The following DNAJC16 variants were observed in gnomAD, a reference collection of about 807,000 sequenced individuals.
DNAJC16 encodes DnaJ heat shock protein family (Hsp40) member C16.
A neutral mutation model predicts 92.7 loss-of-function variants in DNAJC16; 76 were observed. The ratio of observed to expected loss-of-function variants is 0.82; its 90% CI spans 0.68 to 0.99. DNAJC16 has a LOEUF of 0.99. Among genes scored for constraint, DNAJC16 ranks in the 50% least tolerant of loss-of-function variants. DNAJC16 has a pLI of 0.00. For missense variants in DNAJC16, 869 were observed against 942.4 expected, an observed-to-expected ratio of 0.92 and a Z score of 1.02; for synonymous variants, 328 against 358.7, an observed-to-expected ratio of 0.91 and a Z score of 0.97.
At chr1:15,527,820 C>T (rs1489205578) in intron 1 of DNAJC16, among the ~76,000 whole-genome samples, 2 of 152,130 alleles carry the variant, frequency 1.3e-5, no homozygotes, top group East Asian at 1.9e-4. Context: ...TAAGGTGTCA[C>T]AGAAGACACT....
chr1:15,533,518 C>G (rs1292240458), intron 2 of DNAJC16, among the ~76,000 whole-genome samples: 1 of 152,102 alleles, frequency 6.6e-6, no homozygotes, highest in Non-Finnish European at 1.5e-5. Context: ...ATCCCAGCTA[C>G]TCGGGAGGCT....
chr1:15,561,140 T>G (rs774047859), intron 8 of DNAJC16, among the ~76,000 whole-genome samples: 62 of 152,052 alleles, frequency 4.1e-4, no homozygotes, highest in Non-Finnish European at 5.9e-4. Context: ...TAGCACTTGT[T>G]GATACCTGTC....
In DNAJC16 at chr1:15,567,854, C is replaced by G; in HGVS notation, c.2026C>G (p.Gln676Glu). ...GCTAGAATACTTACTAGAATTTGCT[C>G]AAGATGCAGCTCCAATCCCAAACCA... is the stretch of plus-strand genomic sequence containing the variant. ...EWLEYLLEFA[Q>E]DAAPIPNQYD... The change falls in exon 15 of 15, where the codon CAA becomes GAA. Residue 676 changes from glutamine (Q) to glutamate (E), a missense_variant. Transcript: ENST00000375847. The G allele has an allele frequency of 6.2e-7, 1 of 1,614,218 alleles. No individual in the cohort carries two copies. The highest frequency in any genetic ancestry group is 8.5e-7 in the Non-Finnish European group (1 of 1,180,042).
In DNAJC16 at chr1:15,547,511, A is replaced by C. The variant is rs1638339605; in HGVS notation, c.864+640A>C. On this transcript the variant is annotated intron_variant, in intron 6 of 14. Coordinates refer to ENST00000375847, the MANE Select transcript of DNAJC16 (RefSeq NM_015291.4). ...ATGCTGGAGTGCAGTGGTGTGATCT[A>C]GACTCACTGCAACCTCCGCCTACCG... 2.0e-5 allele frequency among the ~76,000 whole-genome samples: 3 copies of C among 148,540 alleles called. No individual in the cohort carries two copies. In the Admixed American group the frequency reaches 2.0e-4, roughly 10 times the overall value.
At chr1:15,542,667 T>C (rs1187916295) in intron 4 of DNAJC16, among the ~76,000 whole-genome samples, 1 of 152,224 alleles carries the variant, frequency 6.6e-6, no homozygotes, top group African/African-American at 2.4e-5. Flanking sequence ...GGAGCAGTCT[T>C]ACGGGACTGA....
In DNAJC16 at chr1:15,536,721, C is replaced by T; in HGVS notation, c.481C>T (p.Pro161Ser). The change falls in exon 4 of 15, where the codon CCC becomes TCC. Residue 161 changes from proline (P) to serine (S), a missense_variant. Transcript: ENST00000375847. The part of the protein sequence containing the change: ...NEVVPDSFKK[P>S]YLIKITSDWC... ...AGTGGTTCCAGATAGCTTCAAGAAACCCTACCTCATCAAGATCACCTCCGA... is the reference window on the plus strand; with the variant it reads ...AGTGGTTCCAGATAGCTTCAAGAAATCCTACCTCATCAAGATCACCTCCGA... 5 of 1,614,164 alleles carry T rather than the reference C, an allele frequency of 3.1e-6. No homozygotes were observed. Among genetic ancestry groups the T allele is most frequent in the Non-Finnish European group, 4.2e-6 (5 of 1,180,030 alleles).
intron 8 of DNAJC16, 129 bp downstream of exon 8, chr1:15,559,785 C>G: frequency 7.5e-7 from 1 of 1,331,582 alleles, no homozygotes; most frequent in Non-Finnish European, 1.0e-6. Context: ...AATACTGGGC[C>G]GGGCATGGTG....
At chr1:15,528,776 T>A (rs746356217) in intron 1 of DNAJC16, among the ~76,000 whole-genome samples, 24 of 152,122 alleles carry the variant, frequency 1.6e-4, no homozygotes, top group Non-Finnish European at 2.5e-4. Flanking sequence ...CCTATTTAGG[T>A]TTTCTCTCAT....
At chr1:15,528,020 A>G (rs571911689) in intron 1 of DNAJC16, among the ~76,000 whole-genome samples, 1 of 152,256 alleles carries the variant, frequency 6.6e-6, no homozygotes, top group South Asian at 2.1e-4. Context: ...TACTCACCAG[A>G]GATGGAGCTT....
intron 8 of DNAJC16, among the ~76,000 whole-genome samples, chr1:15,561,393 A>G (rs540667309): frequency 6.6e-6 from 1 of 152,274 alleles, no homozygotes; most frequent in South Asian, 2.1e-4. Context: ...AGTTTCTAAA[A>G]GGCCCTGCCG....
In DNAJC16 at chr1:15,567,166, G is replaced by T. The variant is rs1638831626; in HGVS notation, c.1846G>T (p.Val616Leu). The T allele has an allele frequency of 6.2e-7, 1 of 1,613,990 alleles. No homozygotes were observed. The highest frequency in any genetic ancestry group is 1.7e-5 in the Admixed American group (1 of 59,996). Residue 616 changes from valine (V) to leucine (L), a missense_variant, in exon 14 of 15, where the codon GTA becomes TTA. Coordinates refer to ENST00000375847, the MANE Select transcript of DNAJC16 (RefSeq NM_015291.4). Reference protein sequence around the residue: ...LTDVTYTSNLVRLRPGHMNVV... With the variant: ...LTDVTYTSNLLRLRPGHMNVV... ...AGATGTAACATACACCAGTAACTTGGTACGTCTGAGGCCAGGCCACATGAA... is the reference window on the plus strand; with the variant it reads ...AGATGTAACATACACCAGTAACTTGTTACGTCTGAGGCCAGGCCACATGAA...
intron 4 of DNAJC16, among the ~76,000 whole-genome samples, chr1:15,540,801 C>T (rs1022977455): frequency 1.3e-5 from 2 of 152,282 alleles, no homozygotes; most frequent in Middle Eastern, 6.8e-3. Flanking sequence ...TACTGAATGG[C>T]ACAGTTACTA....
intron 6 of DNAJC16, among the ~76,000 whole-genome samples, chr1:15,547,146 C>CT (rs768397290): frequency 0.018 from 2,502 of 136,490 alleles, 55 homozygotes; most frequent in African/African-American, 0.044. Flanking sequence ...ATCCCTGTTT[C>CT]TTTTTTTTTT....
Position 15,568,694 on chromosome 1 carries a change from C to G in DNAJC16, c.*517C>G, listed in dbSNP as rs554186000. ...GGAAAAAGGCCCCTTTCCAAGCAATCTCACGTTTACTGGTTGTTCTGGGAG... is the reference window on the plus strand; with the variant it reads ...GGAAAAAGGCCCCTTTCCAAGCAATGTCACGTTTACTGGTTGTTCTGGGAG... On this transcript the variant is annotated 3_prime_UTR_variant, in exon 15 of 15. Coordinates refer to ENST00000375847, the MANE Select transcript of DNAJC16 (RefSeq NM_015291.4). 5.0e-6 allele frequency: 2 copies of G among 399,038 alleles called. No individual in the cohort carries two copies. The highest frequency in any genetic ancestry group is 8.8e-6 in the Non-Finnish European group (2 of 226,516). 24.7% of individuals were successfully genotyped at this position (399,038 alleles called of 1,614,324 possible). A position where few individuals can be genotyped will look rare whatever the true frequency, so the allele number is the denominator to read the frequency against.
At chr1:15,534,350 T>C (rs1710732097) in intron 3 of DNAJC16, 47 bp downstream of exon 3, 5 of 1,594,244 alleles carry the variant, frequency 3.1e-6, no homozygotes, top group Middle Eastern at 1.7e-4. Flanking sequence ...TTACAAAATA[T>C]GCCTTAGGAG....
chr1:15,546,913 T>TTA, intron 6 of DNAJC16, 42 bp downstream of exon 6: 6 of 1,322,090 alleles, frequency 4.5e-6, no homozygotes, highest in Non-Finnish European at 6.2e-6. Context: ...TTCTTTTCTT[T>TTA]TCTTTTTTTT....
intron 1 of DNAJC16, among the ~76,000 whole-genome samples, 189 bp downstream of exon 1, chr1:15,527,147 C>T (rs535733970): frequency 2.6e-5 from 4 of 152,296 alleles, no homozygotes; most frequent in African/African-American, 7.2e-5. Context: ...AGGGTTGCGA[C>T]CTCCGGCAGG....
At chr1:15,565,862 T>C (rs1223789842) in intron 11 of DNAJC16, 57 bp from the exon 12 acceptor site, 1 of 1,537,354 alleles carries the variant, frequency 6.5e-7, no homozygotes, top group Non-Finnish European at 8.9e-7. Flanking sequence ...TTTATCTTTT[T>C]TTAGCTGGAG....
intron 4 of DNAJC16, among the ~76,000 whole-genome samples, chr1:15,540,233 G>A (rs1710900994): frequency 6.6e-6 from 1 of 152,138 alleles, no homozygotes; most frequent in Non-Finnish European, 1.5e-5. Context: ...GGCTGAGACA[G>A]GAGAATTGCT....
Sources: gnomAD v4.1 joint callset for allele counts (sites outside exome capture counted in the v4.1 genomes callset) on GRCh38, gnomAD v4.1.1 for gene constraint, MANE v1.5 for transcripts, NCBI Gene and HGNC (gene_info 2026-07-23, HGNC 2026-07-21) for gene names.